Variants in CALN1 observed in about 807,000 individuals in gnomAD.
CALN1 encodes the protein calcium-binding protein 8.
Under a neutral mutation model 30.6 loss-of-function variants are expected in CALN1, and 17 were observed. That is an observed-to-expected ratio of 0.56 (90% confidence interval 0.38 to 0.83). The LOEUF (loss-of-function observed/expected upper bound fraction) is 0.83, where lower values mean the gene tolerates loss of function less well. CALN1 is among the 40% of genes least tolerant of loss of function. The pLI, the probability that CALN1 is intolerant of heterozygous loss-of-function variation, is 0.00. For synonymous variants in CALN1, 156 were observed against 131.4 expected (o/e 1.19, Z -1.28); for missense variants, 291 against 354.9 (o/e 0.82, Z 1.45).
chr7:72,234,449 G>GTT (rs541215117), intron 3 of CALN1, among the ~76,000 whole-genome samples: 1 of 151,756 alleles, frequency 6.6e-6, no homozygotes, highest in East Asian at 1.9e-4. Context: ...GTTTTGTTTT[G>GTT]TTTTTTTGTT....
chr7:72,393,644 A>C (rs1006060900), intron 2 of CALN1, among the ~76,000 whole-genome samples: 1 of 152,162 alleles, frequency 6.6e-6, no homozygotes. Flanking sequence ...CCCCAGGCAA[A>C]TGCCAAAAGA....
intron 6 of CALN1, among the ~76,000 whole-genome samples, chr7:71,809,580 T>A (rs903849221): frequency 3.3e-5 from 5 of 151,596 alleles, no homozygotes; most frequent in African/African-American, 1.2e-4. Flanking sequence ...AATTAAAAAT[T>A]TTTTTTCTAT....
chr7:71,991,078 G>C (rs549157953), intron 5 of CALN1, among the ~76,000 whole-genome samples: 30 of 152,048 alleles, frequency 2.0e-4, no homozygotes, highest in African/African-American at 7.2e-4. Flanking sequence ...TGAAGGAAGA[G>C]AACAGAAGTA....
chr7:72,293,125 G>C (rs780539489), intron 2 of CALN1, among the ~76,000 whole-genome samples: 1 of 152,144 alleles, frequency 6.6e-6, no homozygotes, highest in African/African-American at 2.4e-5. Flanking sequence ...AACAGAGCCT[G>C]TATCAGGCAG....
In CALN1 at chr7:71,957,566, C is replaced by G. The variant is rs1347150566; in HGVS notation, c.501+66091G>C. On this transcript the variant is annotated intron_variant, in intron 5 of 6. Transcript: ENST00000395275. ...CACTGCAAACCTAAAATGCCTTCCTCAACTTACAAATGGCAAATCTCTTAA... is the reference window on the plus strand; with the variant it reads ...CACTGCAAACCTAAAATGCCTTCCTGAACTTACAAATGGCAAATCTCTTAA... Among the ~76,000 whole-genome samples the G allele has an allele frequency of 3.9e-5, 6 of 152,152 alleles. 1 individual carries two copies. Among genetic ancestry groups the G allele is most frequent in the African/African-American group, 1.4e-4 (6 of 41,432 alleles).
At chr7:72,461,125 T>A in the CALN1 span, among the ~76,000 whole-genome samples, 2 of 152,146 alleles carry the variant, frequency 1.3e-5, no homozygotes, top group African/African-American at 2.4e-5. Context: ...ATTCAAAGCA[T>A]GAACCGGACC....
intron 3 of CALN1, among the ~76,000 whole-genome samples, chr7:72,119,433 T>C (rs1427254178): frequency 6.6e-6 from 1 of 151,596 alleles, no homozygotes; most frequent in Non-Finnish European, 1.5e-5. Flanking sequence ...ACCGGGTCCC[T>C]CCCATAACAC....
chr7:72,128,925 GT>G (rs2129542686), intron 3 of CALN1, among the ~76,000 whole-genome samples: 1 of 152,260 alleles, frequency 6.6e-6, no homozygotes, highest in East Asian at 1.9e-4. Flanking sequence ...GATAAGCTAA[GT>G]GAAAAATCAG....
At chr7:71,979,500 A>C (rs1461818499) in intron 5 of CALN1, among the ~76,000 whole-genome samples, 2 of 151,620 alleles carry the variant, frequency 1.3e-5, no homozygotes, top group African/African-American at 4.9e-5. Flanking sequence ...CTTCTATGAG[A>C]CTCTAACGCT....
At chr7:72,278,007 C>CCGGG (rs1562829614) in intron 3 of CALN1, among the ~76,000 whole-genome samples, 1 of 29,872 alleles carries the variant, frequency 3.3e-5, no homozygotes, top group African/African-American at 1.5e-4. Flanking sequence ...ATCCTCTATT[C>CCGGG]CGGGGGGGGG....
At chr7:72,251,863 G>A (rs1795585935) in intron 3 of CALN1, among the ~76,000 whole-genome samples, 1 of 151,986 alleles carries the variant, frequency 6.6e-6, no homozygotes, top group Admixed American at 6.6e-5. Context: ...CTGGACAAAG[G>A]GTAGAGGCAC....
chr7:72,095,395 A>G (rs1051512859), intron 4 of CALN1, among the ~76,000 whole-genome samples: 11 of 152,202 alleles, frequency 7.2e-5, no homozygotes, highest in Admixed American at 1.3e-4. Flanking sequence ...AACTTGCCAC[A>G]GTAAAGATCA....
chr7:72,404,635 A>G (rs1286173591), intron 1 of CALN1, among the ~76,000 whole-genome samples: 1 of 152,136 alleles, frequency 6.6e-6, no homozygotes, highest in Non-Finnish European at 1.5e-5. Flanking sequence ...GCCCCTGAAC[A>G]TTGTATCCTG....
At chr7:71,809,226 G>A (rs536477368) in intron 6 of CALN1, among the ~76,000 whole-genome samples, 7 of 151,968 alleles carry the variant, frequency 4.6e-5, no homozygotes, top group Admixed American at 2.6e-4. Context: ...CCCTCCTGTC[G>A]TGGCCTTTAA....
intron 4 of CALN1, among the ~76,000 whole-genome samples, chr7:72,098,276 A>G (rs1298086688): frequency 6.6e-6 from 1 of 152,180 alleles, no homozygotes; most frequent in African/African-American, 2.4e-5. Context: ...GAGGCTGATG[A>G]AAGAGAAATG....
At chr7:72,501,181 A>C in the CALN1 span, among the ~76,000 whole-genome samples, 1 of 151,802 alleles carries the variant, frequency 6.6e-6, no homozygotes, top group Admixed American at 6.6e-5. Context: ...AAGTTGGGGT[A>C]ACAAGTGAAT....
intron 4 of CALN1, among the ~76,000 whole-genome samples, chr7:72,098,464 G>A (rs1806393317): frequency 6.6e-6 from 1 of 152,058 alleles, no homozygotes. Context: ...ACCACTTAGC[G>A]AGGCTAAGGC....
chr7:72,034,494 G>GA (rs1162668067), intron 4 of CALN1, among the ~76,000 whole-genome samples: 2 of 150,726 alleles, frequency 1.3e-5, no homozygotes, highest in Non-Finnish European at 3.0e-5. Context: ...ATGTGGATTT[G>GA]AAAGTCTCCA....
intron 3 of CALN1, among the ~76,000 whole-genome samples, chr7:72,159,034 GTA>G (rs1563107987): frequency 6.6e-6 from 1 of 151,678 alleles, no homozygotes; most frequent in Non-Finnish European, 1.5e-5. Flanking sequence ...TATATTTTTA[GTA>G]GAGATGGGGT....
Sources: allele counts gnomAD v4.1 joint callset (sites outside exome capture counted in the v4.1 genomes callset), GRCh38; gene constraint gnomAD v4.1.1; transcripts MANE v1.5; gene names NCBI Gene and HGNC (gene_info 2026-07-23, HGNC 2026-07-21).